Variants in KDM4C observed in about 807,000 individuals in gnomAD.
KDM4C encodes the protein lysine-specific demethylase 4C.
A neutral mutation model predicts 129.3 loss-of-function variants in KDM4C; 81 were observed. The observed-to-expected ratio is 0.63, with a 90% CI of 0.52 to 0.75. The LOEUF is 0.75. Among genes scored for constraint, KDM4C ranks in the 30% least tolerant of loss-of-function variants. The pLI is 0.00. For synonymous variants in KDM4C, 573 were observed against 456.1 expected, an observed-to-expected ratio of 1.26 and a Z score of -3.26; for missense variants, 1,457 against 1,304.0, an observed-to-expected ratio of 1.12 and a Z score of -1.81.
intron 18 of KDM4C, among the ~76,000 whole-genome samples, chr9:7,116,832 T>C (rs1393571020): frequency 6.6e-6 from 1 of 152,210 alleles, no homozygotes; most frequent in Non-Finnish European, 1.5e-5. Flanking sequence ...TCTCCTCATG[T>C]AAGCAGTGTG....
chr9:6,851,295 G>A (rs1469332139), intron 5 of KDM4C, among the ~76,000 whole-genome samples: 1 of 152,124 alleles, frequency 6.6e-6, no homozygotes, highest in African/African-American at 2.4e-5. Flanking sequence ...TGTTATTTGT[G>A]GGCCTGGTTT....
intron 17 of KDM4C, among the ~76,000 whole-genome samples, chr9:7,086,602 A>G (rs1835143988): frequency 6.6e-6 from 1 of 152,090 alleles, no homozygotes; most frequent in Non-Finnish European, 1.5e-5. Flanking sequence ...CACCCTGTTC[A>G]GCCTTTGATC....
intron 8 of KDM4C, among the ~76,000 whole-genome samples, chr9:6,895,964 A>G (rs960586138): frequency 1.3e-5 from 2 of 152,106 alleles, no homozygotes; most frequent in Admixed American, 1.3e-4. Context: ...CATTTTTTTT[A>G]CCCAGATTTT....
intron 1 of KDM4C, among the ~76,000 whole-genome samples, chr9:6,782,369 A>G (rs931116526): frequency 1.3e-5 from 2 of 152,194 alleles, no homozygotes; most frequent in Admixed American, 6.6e-5. Context: ...AGAATCTCAG[A>G]TTAGGCTCAT....
chr9:6,807,603 GC>G (rs1830263427), intron 3 of KDM4C, among the ~76,000 whole-genome samples: 1 of 150,446 alleles, frequency 6.6e-6, no homozygotes, highest in African/African-American at 2.4e-5. Context: ...GAGCGTTTCT[GC>G]CCAGCCGCCC....
intron 5 of KDM4C, among the ~76,000 whole-genome samples, chr9:6,878,602 T>A (rs1417808979): frequency 1.3e-5 from 2 of 152,236 alleles, no homozygotes; most frequent in East Asian, 3.9e-4. Flanking sequence ...CTAAATTTTC[T>A]GTGAGCATAT....
At chr9:6,756,236 ATAAG>A (rs1473471981), upstream of KDM4C, among the ~76,000 whole-genome samples, 2 of 152,242 alleles carry the variant, frequency 1.3e-5, no homozygotes, top group Non-Finnish European at 2.9e-5. Context: ...TTGAATTATT[ATAAG>A]TATTTATTAA....
intron 17 of KDM4C, among the ~76,000 whole-genome samples, chr9:7,103,275 C>T (rs954313588): frequency 6.6e-6 from 1 of 152,212 alleles, no homozygotes; most frequent in Non-Finnish European, 1.5e-5. Context: ...GACCTGTCCT[C>T]CAAACCCATA....
chr9:7,006,306 C>T (rs922887391), intron 12 of KDM4C, among the ~76,000 whole-genome samples: 2 of 152,162 alleles, frequency 1.3e-5, no homozygotes, highest in Non-Finnish European at 2.9e-5. Context: ...GGGGCCTCCC[C>T]TTCTCATAAC....
chr9:6,780,480 A>T (rs1400209799), intron 1 of KDM4C, among the ~76,000 whole-genome samples: 1 of 151,842 alleles, frequency 6.6e-6, no homozygotes, highest in Non-Finnish European at 1.5e-5. Flanking sequence ...AACGAAAGAG[A>T]AATTGGCCAG....
At chr9:7,174,469 C>A (rs950417082) in intron 21 of KDM4C, 84 bp from the exon 22 acceptor site, 1 of 1,371,982 alleles carries the variant, frequency 7.3e-7, no homozygotes, top group Admixed American at 1.8e-5. Flanking sequence ...CACCCTAACC[C>A]CAGCTGACCG....
chr9:7,041,529 C>T (rs1184835968), intron 15 of KDM4C, among the ~76,000 whole-genome samples: 1 of 137,920 alleles, frequency 7.3e-6, no homozygotes. Flanking sequence ...TTTTTCCTAT[C>T]TTGATCATAA....
At chr9:6,879,025 T>A (rs1037530504) in intron 5 of KDM4C, among the ~76,000 whole-genome samples, 1 of 152,240 alleles carries the variant, frequency 6.6e-6, no homozygotes, top group Non-Finnish European at 1.5e-5. Context: ...AATTGCATAG[T>A]TATATTGGAT....
Position 7,017,682 on chromosome 9 carries a change from C to G in KDM4C, c.2259+1753C>G, listed in dbSNP as rs150121427. On this transcript the variant is annotated intron_variant, in intron 15 of 21. Transcript: ENST00000381309. Reference sequence around the variant, plus strand: ...CAGCAGTGTATGCCTCACTCATGATCTCAGAGCAGGTGCTCAGCTCGATGA... The same window carrying G: ...CAGCAGTGTATGCCTCACTCATGATGTCAGAGCAGGTGCTCAGCTCGATGA... 2.4e-3 allele frequency among the ~76,000 whole-genome samples: 362 copies of G among 152,316 alleles called. 4 individuals carry two copies. Among genetic ancestry groups the G allele is most frequent in the African/African-American group, 8.3e-3 (346 of 41,578 alleles).
chr9:7,039,618 T>C (rs1828221064), intron 15 of KDM4C, among the ~76,000 whole-genome samples: 2 of 152,116 alleles, frequency 1.3e-5, no homozygotes, highest in African/African-American at 4.8e-5. Flanking sequence ...CTTATTGATA[T>C]AACACAATTA....
chr9:7,162,814 T>C (rs1403561899), intron 19 of KDM4C, among the ~76,000 whole-genome samples: 1 of 152,090 alleles, frequency 6.6e-6, no homozygotes, highest in East Asian at 1.9e-4. Flanking sequence ...GGGTACAGCC[T>C]CATGTATTTC....
chr9:6,799,062 A>G (rs557532813), intron 2 of KDM4C, among the ~76,000 whole-genome samples: 47 of 144,584 alleles, frequency 3.3e-4, no homozygotes, highest in African/African-American at 1.2e-3. Flanking sequence ...CCGGGCAGAG[A>G]CGCTCCTCAC....
At chr9:6,789,210 C>A (rs1466916474) in intron 1 of KDM4C, among the ~76,000 whole-genome samples, 1 of 135,424 alleles carries the variant, frequency 7.4e-6, no homozygotes, top group East Asian at 2.2e-4. Context: ...CACCATCACG[C>A]CTGGCTAATT....
chr9:7,052,863 C>CAGAGAG (rs370475585), intron 17 of KDM4C, among the ~76,000 whole-genome samples: 2,098 of 41,030 alleles, frequency 0.051, 119 homozygotes, highest in Middle Eastern at 0.12. Flanking sequence ...GCCACACCTG[C>CAGAGAG]AGAGAGAGAG....
Sources: gnomAD v4.1 joint callset for allele counts (sites outside exome capture counted in the v4.1 genomes callset) on GRCh38, gnomAD v4.1.1 for gene constraint, MANE v1.5 for transcripts, NCBI Gene and HGNC (gene_info 2026-07-23, HGNC 2026-07-21) for gene names.